Variants in DIS3 observed in about 807,000 individuals in gnomAD.
DIS3 encodes the protein exosome complex exonuclease RRP44.
A neutral mutation model predicts 113.0 loss-of-function variants in DIS3; 103 were observed. That is an observed-to-expected ratio of 0.91 (90% CI 0.78 to 1.07). The LOEUF is 1.07. Ranked by LOEUF, DIS3 falls within the 50% of genes least tolerant of loss-of-function variation. The pLI, the probability that DIS3 is intolerant of heterozygous loss-of-function variation, is 0.00. For synonymous variants in DIS3, 402 were observed against 394.3 expected (o/e 1.02, Z -0.23); for missense variants, 1,121 against 1,167.1 (o/e 0.96, Z 0.58).
chr13:72,758,555 C>CTG lies in DIS3; in HGVS notation c.*1239_*1240insCA, dbSNP rs2033550564. 4.6e-6 allele frequency: 1 copy of CTG among 217,980 alleles called. No individual in the cohort carries two copies. The highest frequency in any genetic ancestry group is 9.2e-6 in the Non-Finnish European group (1 of 108,386). The allele number at this position is 217,980 out of a possible 1,614,324, so 13.5% of individuals were successfully genotyped here. Reference sequence around the variant, plus strand: ...CAGAAAAGGTTTTTTGACTCCTACTCTACTGTTTCAGTGTCACTGACCCAT... The same window carrying CTG: ...CAGAAAAGGTTTTTTGACTCCTACTCTGTACTGTTTCAGTGTCACTGACCCAT... On this transcript the variant is annotated 3_prime_UTR_variant, in exon 21 of 21. Transcript: ENST00000377767.
chr13:72,768,451 A>G (rs1032280131), intron 14 of DIS3, among the ~76,000 whole-genome samples: 1 of 152,168 alleles, frequency 6.6e-6, no homozygotes, highest in Non-Finnish European at 1.5e-5. Context: ...GGAGTTCAAG[A>G]CCAGCCTGGC....
chr13:72,770,859 T>A lies in DIS3; in HGVS notation c.1755+45A>T, dbSNP rs765313060. ...ATTTATTTAGCTTTTTTCAAAAAAGTACCAAAAAGTTTAAAAATTAGAGAT... is the reference window on the plus strand; with the variant it reads ...ATTTATTTAGCTTTTTTCAAAAAAGAACCAAAAAGTTTAAAAATTAGAGAT... On this transcript the variant is annotated intron_variant, in intron 13 of 20. Transcript: ENST00000377767. The A allele has an allele frequency of 5.9e-5, 84 of 1,412,264 alleles. No homozygotes were observed. The Admixed American group carries it at 1.6e-3, about 26-fold the overall frequency. 87.5% of individuals were successfully genotyped at this position (1,412,264 alleles called of 1,614,324 possible). A position where few individuals can be genotyped will look rare whatever the true frequency, so the allele number is the denominator to read the frequency against.
intron 2 of DIS3, among the ~76,000 whole-genome samples, chr13:72,779,103 G>A (rs1251388196): frequency 2.7e-5 from 4 of 150,398 alleles, no homozygotes; most frequent in African/African-American, 7.3e-5. Flanking sequence ...ATTCCTCATC[G>A]TTGAATGCAC....
chr13:72,771,857 G>A lies in DIS3; in HGVS notation c.1543C>T (p.Pro515Ser), dbSNP rs1035219625. The A allele has an allele frequency of 1.2e-6, 2 of 1,613,628 alleles. No homozygotes were observed. The highest frequency in any genetic ancestry group is 1.7e-6 in the Non-Finnish European group (2 of 1,179,878). ...HIADVSHFIRPGNALDQESAR... is the reference protein window; with the variant it reads ...HIADVSHFIRSGNALDQESAR... The stretch of plus-strand genomic sequence containing the variant: ...GATTCTTGATCCAAGGCATTTCCTG[G>A]CCTAATAAAATGGCTCACATCAGCA... Residue 515 changes from proline to serine, a missense_variant, in exon 11 of 21, where the codon CCA becomes TCA. Around this residue, in one of 3 missense-constraint regions of DIS3, gnomAD observed 861 missense variants for 915.5 expected, o/e 0.94. Transcript: ENST00000377767.
rs968665007 is a variant in DIS3, at chr13:72,761,359, G to A, written c.2670+4C>T. 10 of 1,597,916 alleles carry A rather than the reference G, an allele frequency of 6.3e-6. No individual in the cohort carries two copies. Among genetic ancestry groups the A allele is most frequent in the Middle Eastern group, 3.3e-4 (2 of 6,028 alleles). On this transcript the variant is annotated splice_donor_region_variant and intron_variant, in intron 19 of 20. Transcript: ENST00000377767. ...AAAGAAAACAAACATGAGAAATACC[G>A]TACCTCATCATCATAAATAAGCTGT...
In DIS3 at chr13:72,759,744, T is replaced by A. The variant is rs2033578687; in HGVS notation, c.*51A>T. 3.4e-6 allele frequency: 5 copies of A among 1,468,614 alleles called. No homozygotes were observed. In the African/African-American group the frequency reaches 4.2e-5, roughly 12 times the overall value. The allele number at this position is 1,468,614 out of a possible 1,614,324, so 91.0% of individuals were successfully genotyped here. On this transcript the variant is annotated 3_prime_UTR_variant, in exon 21 of 21. Transcript: ENST00000377767. ...TTAGGCTTAGAAGTGTTCTTTCAAGTTTTTTCTTTTAAAAAAGAAACCAGT... is the reference window on the plus strand; with the variant it reads ...TTAGGCTTAGAAGTGTTCTTTCAAGATTTTTCTTTTAAAAAAGAAACCAGT...
intron 14 of DIS3, among the ~76,000 whole-genome samples, chr13:72,767,456 A>T (rs1406393665): frequency 6.6e-6 from 1 of 152,160 alleles, no homozygotes; most frequent in African/African-American, 2.4e-5. Context: ...AGCTTGAGTG[A>T]AAGTTTTGCT....
At chr13:72,763,386 AATT>A (rs2033672949) in intron 16 of DIS3, 62 bp downstream of exon 16, 1 of 1,483,614 alleles carries the variant, frequency 6.7e-7, no homozygotes, top group African/African-American at 1.4e-5. Flanking sequence ...TATGAATATA[AATT>A]ATTTAGAACA....
rs1283873328 is a variant in DIS3, at chr13:72,768,832, T to G, written c.1836A>C (p.Gly612=). Residue 612 remains glycine (G), a synonymous_variant, in exon 14 of 21, where the codon GGA becomes GGC. Transcript: ENST00000377767. ...MNDDITTSLR[G]LNKLAKILKK... ...TCAGAATTTTGGCTAGTTTATTCAG[T>G]CCACGGAGACTAGTGGTAATATCAT... The G allele has an allele frequency of 6.2e-7, 1 of 1,611,066 alleles. No homozygotes were observed. Among genetic ancestry groups the G allele is most frequent in the South Asian group, 1.1e-5 (1 of 90,836 alleles).
At chr13:72,769,577 T>C (rs1280334585) in intron 13 of DIS3, among the ~76,000 whole-genome samples, 1 of 151,638 alleles carries the variant, frequency 6.6e-6, no homozygotes, top group Non-Finnish European at 1.5e-5. Context: ...ATAACGCAGG[T>C]CAGGTCGGAT....
In DIS3 at chr13:72,775,909, TTA is replaced by T; in HGVS notation, c.822+14_822+15del. 1 of 1,581,762 alleles carries T rather than the reference TTA, an allele frequency of 6.3e-7. No homozygotes were observed. The highest frequency in any genetic ancestry group is 8.6e-7 in the Non-Finnish European group (1 of 1,166,246). Reference sequence around the variant, plus strand: ...ATCTTTATTTTAGTGTATAAGGAATTTATTTATATACTTGCCTCTTTATTTTC... The same window carrying T: ...ATCTTTATTTTAGTGTATAAGGAATTTTTATATACTTGCCTCTTTATTTTC... On this transcript the variant is annotated intron_variant, in intron 5 of 20. Coordinates refer to ENST00000377767, the MANE Select transcript of DIS3 (RefSeq NM_014953.5).
rs760538197 is a variant in DIS3 at position 72,755,269 on chromosome 13, T to C, written c.*4526A>G. The C allele has an allele frequency of 6.2e-6, 9 of 1,450,218 alleles. No homozygotes were observed. The highest frequency in any genetic ancestry group is 2.3e-5 in the South Asian group (2 of 87,186). 89.8% of individuals were successfully genotyped at this position (1,450,218 alleles called of 1,614,324 possible). A position where few individuals can be genotyped will look rare whatever the true frequency, so the allele number is the denominator to read the frequency against. ...GCTTAAGAGTTCCTCGCATATATCG[T>C]TGTGCACAGGATCAACATGATGGTG... is the stretch of plus-strand genomic sequence containing the variant. On this transcript the variant is annotated 3_prime_UTR_variant, in exon 21 of 21. Transcript: ENST00000377767.
Position 72,766,000 on chromosome 13 carries a change from G to T in DIS3, c.1942C>A (p.Pro648Thr). The change falls in exon 15 of 21, where the codon CCT (proline) becomes ACT (threonine). Residue 648 changes from proline (P) to threonine (T), a missense_variant. Physicochemically the swap from Pro to Thr is conservative, Grantham distance 38. Around this residue, in one of 3 missense-constraint regions of DIS3, gnomAD observed 861 missense variants for 915.5 expected, o/e 0.94. Coordinates refer to ENST00000377767, the MANE Select transcript of DIS3 (RefSeq NM_014953.5). ...RFHMDSETHD[P>T]IDLQTKELRE... is the part of the protein sequence containing the mutation. ...AGTTCCTTGGTCTGCAGATCTATAG[G>T]ATCGTGAGTTTCACTGTCCATGTGG... 1 of 1,611,324 alleles carries T rather than the reference G, an allele frequency of 6.2e-7. No homozygotes were observed.
intron 2 of DIS3, among the ~76,000 whole-genome samples, 198 bp from the exon 3 acceptor site, chr13:72,778,578 A>T (rs939396057): frequency 1.3e-5 from 2 of 152,212 alleles, no homozygotes; most frequent in African/African-American, 4.8e-5. Flanking sequence ...ATTTGCTTGG[A>T]AAAGAAGAAA....
chr13:72,781,550 C>T, intron 1 of DIS3, 55 bp downstream of exon 1: 1 of 1,469,562 alleles, frequency 6.8e-7, no homozygotes, highest in Non-Finnish European at 9.0e-7. Context: ...GTTTCCCTGT[C>T]ATACCCCCTT....
chr13:72,772,554 C>T, intron 9 of DIS3, 139 bp downstream of exon 9: 1 of 947,616 alleles, frequency 1.1e-6, no homozygotes, highest in East Asian at 2.8e-5. Flanking sequence ...TTCTATAATT[C>T]CTAAGAATGC....
chr13:72,772,177 G>A lies in DIS3; in HGVS notation c.1485C>T (p.Leu495=), dbSNP rs774554288. 5.0e-5 allele frequency: 80 copies of A among 1,612,292 alleles called. No individual in the cohort carries two copies. Among genetic ancestry groups the A allele is most frequent in the Non-Finnish European group, 6.4e-5 (75 of 1,179,616 alleles). Residue 495 remains leucine (L), a synonymous_variant, in exon 10 of 21, where the codon CTC becomes CTT. Coordinates refer to ENST00000377767, the MANE Select transcript of DIS3 (RefSeq NM_014953.5). ...DIDDALHCRE[L]ENGNLEVGVH... is the part of the protein sequence containing the mutation. ...TGAATACCTCCAAATTTCCATTTTC[G>A]AGTTCTCGACAATGTAGAGCATCGT...
Position 72,765,986 on chromosome 13 carries a change from C to A in DIS3, c.1956G>T (p.Gln652His), listed in dbSNP as rs1802204665. Residue 652 changes from glutamine (Q) to histidine (H), a missense_variant, in exon 15 of 21, where the codon CAG becomes CAT. Gln to His is a conservative substitution (Grantham distance 24, BLOSUM62 0). Coordinates refer to ENST00000377767, the MANE Select transcript of DIS3 (RefSeq NM_014953.5). Reference protein sequence around the residue: ...DSETHDPIDLQTKELRETNSM... With the variant: ...DSETHDPIDLHTKELRETNSM... ...AAATTACAAACCTAAGTTCCTTGGT[C>A]TGCAGATCTATAGGATCGTGAGTTT... 1 of 1,608,358 alleles carries A rather than the reference C, an allele frequency of 6.2e-7. No individual in the cohort carries two copies. The highest frequency in any genetic ancestry group is 1.1e-5 in the South Asian group (1 of 89,516).
chr13:72,759,844 T>C lies in DIS3; in HGVS notation c.2828A>G (p.Asn943Ser), dbSNP rs770211035. The change falls in exon 21 of 21, where the codon AAC (asparagine) becomes AGC (serine). Residue 943 changes from asparagine to serine, a missense_variant. Around this residue, in one of 3 missense-constraint regions of DIS3, gnomAD observed 861 missense variants for 915.5 expected, o/e 0.94. Coordinates refer to ENST00000377767, the MANE Select transcript of DIS3 (RefSeq NM_014953.5). ...PGISIPTDTS[N>S]MDLNGPKKKK... ...TTTCTTTGGTCCATTAAGGTCCATG[T>C]TTGAAGTATCAGTAGGAATGCTTAT... 4.3e-6 allele frequency: 7 copies of C among 1,613,352 alleles called. No homozygotes were observed. The highest frequency in any genetic ancestry group is 5.9e-6 in the Non-Finnish European group (7 of 1,179,590).
Sources: gnomAD v4.1 joint callset for allele counts (sites outside exome capture counted in the v4.1 genomes callset) on GRCh38, gnomAD v4.1.1 for gene constraint, gnomAD v4.1.1 regional missense constraint, MANE v1.5 for transcripts, NCBI Gene and HGNC (gene_info 2026-07-23, HGNC 2026-07-21) for gene names.